The following PTPRG variants were observed in gnomAD, a reference collection of about 807,000 sequenced individuals.
PTPRG encodes the protein protein tyrosine phosphatase receptor type G, also known as receptor-type tyrosine-protein phosphatase gamma.
PTPRG carries 102 observed loss-of-function variants against 165.3 expected under a neutral mutation model. That is an observed-to-expected ratio of 0.62 (90% CI 0.53 to 0.73). PTPRG has a LOEUF of 0.73. Among genes scored for constraint, PTPRG ranks in the 30% least tolerant of loss-of-function variants. The pLI is 0.00. For synonymous variants in PTPRG, 675 were observed against 669.5 expected (o/e 1.01, Z -0.13); for missense variants, 1,866 against 1,861.4 (o/e 1.00, Z -0.05).
At chr3:62,074,665 G>A (rs995357221) in intron 4 of PTPRG, among the ~76,000 whole-genome samples, 1 of 152,020 alleles carries the variant, frequency 6.6e-6, no homozygotes, top group Non-Finnish European at 1.5e-5. Flanking sequence ...TTCAGCTTAC[G>A]TACACCACGT....
intron 2 of PTPRG, among the ~76,000 whole-genome samples, chr3:61,935,565 C>T (rs1248365304): frequency 6.6e-6 from 1 of 152,002 alleles, no homozygotes; most frequent in African/African-American, 2.4e-5. Flanking sequence ...GGCATAAGGG[C>T]AGCTGGACAG....
intron 5 of PTPRG, among the ~76,000 whole-genome samples, chr3:62,105,665 A>AT (rs1702449615): frequency 6.6e-6 from 1 of 152,226 alleles, no homozygotes; most frequent in African/African-American, 2.4e-5. Flanking sequence ...AAGGGAACAT[A>AT]TGCTAGAGCC....
chr3:61,910,331 A>G (rs1032665449), intron 2 of PTPRG, among the ~76,000 whole-genome samples: 1 of 152,196 alleles, frequency 6.6e-6, no homozygotes, highest in Non-Finnish European at 1.5e-5. Context: ...GGATGACTCT[A>G]CTGTTGCTCT....
At chr3:61,826,520 TA>T (rs35348448) in intron 2 of PTPRG, among the ~76,000 whole-genome samples, 38,047 of 147,020 alleles carry the variant, frequency 0.26, 4,774 homozygotes, top group East Asian at 0.3. Flanking sequence ...TTCCAGAACT[TA>T]AAAAAAAAAA....
chr3:62,125,034 T>G (rs75493338), intron 5 of PTPRG, among the ~76,000 whole-genome samples: 5 of 152,162 alleles, frequency 3.3e-5, no homozygotes, highest in African/African-American at 1.2e-4. Context: ...TCAGTACATA[T>G]TGGTTGAATC....
chr3:62,144,839 G>C (rs954798342), intron 6 of PTPRG, among the ~76,000 whole-genome samples: 1 of 152,128 alleles, frequency 6.6e-6, no homozygotes, highest in Admixed American at 6.5e-5. Context: ...TAACAATAAT[G>C]TTAAGACGTA....
At chr3:61,761,863 G>A (rs2033848053) in intron 2 of PTPRG, among the ~76,000 whole-genome samples, 1 of 152,124 alleles carries the variant, frequency 6.6e-6, no homozygotes, top group Admixed American at 6.5e-5. Flanking sequence ...CCCAATTATT[G>A]TTGGCCACTT....
At chr3:61,737,947 C>T (rs543301388) in intron 1 of PTPRG, among the ~76,000 whole-genome samples, 6 of 147,262 alleles carry the variant, frequency 4.1e-5, no homozygotes, top group East Asian at 2.0e-4. Context: ...CTTTCTCTGT[C>T]GCCCAGGCTG....
intron 4 of PTPRG, among the ~76,000 whole-genome samples, chr3:62,066,037 T>C (rs349171): frequency 0.88 from 134,357 of 152,230 alleles, 59,353 homozygotes; most frequent in Middle Eastern, 0.93. Context: ...GTGCAAAATG[T>C]AGTTTTCCAG....
intron 3 of PTPRG, among the ~76,000 whole-genome samples, chr3:61,991,469 G>T (rs1203688639): frequency 6.6e-6 from 1 of 152,148 alleles, no homozygotes; most frequent in African/African-American, 2.4e-5. Context: ...ACCTCCCAAA[G>T]TGCTGGGATT....
chr3:61,981,256 G>A (rs978226961), intron 2 of PTPRG, among the ~76,000 whole-genome samples: 4 of 152,282 alleles, frequency 2.6e-5, no homozygotes, highest in African/African-American at 9.6e-5. Context: ...CCACCTAGTC[G>A]CTTCCATGAC....
intron 2 of PTPRG, among the ~76,000 whole-genome samples, chr3:61,932,772 A>G (rs1172245351): frequency 6.6e-6 from 1 of 152,140 alleles, no homozygotes; most frequent in East Asian, 1.9e-4. Flanking sequence ...GTCAGAAACA[A>G]TTCAGTTTCT....
chr3:61,677,515 A>G (rs950180688), intron 1 of PTPRG, among the ~76,000 whole-genome samples: 3 of 152,212 alleles, frequency 2.0e-5, no homozygotes, highest in Admixed American at 6.5e-5. Context: ...CACGATCCCA[A>G]TAAATCAGTG....
At chr3:61,725,676 T>G (rs1373245411) in intron 1 of PTPRG, among the ~76,000 whole-genome samples, 2 of 151,724 alleles carry the variant, frequency 1.3e-5, no homozygotes, top group African/African-American at 4.8e-5. Context: ...TTTTGAAGAT[T>G]TGATTCCCTG....
chr3:61,710,707 G>A, intron 1 of PTPRG, among the ~76,000 whole-genome samples: 1 of 151,960 alleles, frequency 6.6e-6, no homozygotes, highest in East Asian at 1.9e-4. Context: ...TGTGGCCGAG[G>A]GAAGCTAAAA....
chr3:62,055,772 G>A (rs572369355), intron 4 of PTPRG, among the ~76,000 whole-genome samples: 16 of 152,088 alleles, frequency 1.1e-4, no homozygotes, highest in Non-Finnish European at 1.8e-4. Flanking sequence ...CTTCATCTTT[G>A]TGTGGCATTC....
At chr3:61,834,590 G>A (rs1377827588) in intron 2 of PTPRG, among the ~76,000 whole-genome samples, 1 of 152,130 alleles carries the variant, frequency 6.6e-6, no homozygotes, top group South Asian at 2.1e-4. Context: ...CGAGGCAGGT[G>A]GATCAGGAGG....
Position 61,620,863 on chromosome 3 carries a change from T to G in PTPRG, c.85+58491T>G, listed in dbSNP as rs571461147. ...AGGCAGGTCTGGAACTCCTGACCTC[T>G]GGTGATCCTCCCACCTCAGCCTCCC... On this transcript the variant is annotated intron_variant, in intron 1 of 29. Transcript: ENST00000474889. 1.9e-3 allele frequency among the ~76,000 whole-genome samples: 284 copies of G among 151,844 alleles called. 2 individuals are homozygous for G. Among genetic ancestry groups the G allele is most frequent in the Non-Finnish European group, 1.5e-3 (99 of 67,900 alleles).
At chr3:61,626,664 C>T (rs983840185) in intron 1 of PTPRG, among the ~76,000 whole-genome samples, 4 of 152,234 alleles carry the variant, frequency 2.6e-5, no homozygotes, top group Non-Finnish European at 5.9e-5. Context: ...ACTATTGCTG[C>T]ACACATCCTG....
Sources: allele counts gnomAD v4.1 joint callset (sites outside exome capture counted in the v4.1 genomes callset), GRCh38; gene constraint gnomAD v4.1.1; transcripts MANE v1.5; gene names NCBI Gene and HGNC (gene_info 2026-07-23, HGNC 2026-07-21).